MSN: variants seen among roughly 807,000 people sequenced by gnomAD.
The protein encoded by MSN is moesin.
A neutral mutation model predicts 48.0 loss-of-function variants in MSN; 2 were observed. That is an observed-to-expected ratio of 0.04 (90% confidence interval 0.02 to 0.13). The LOEUF is 0.13. Among genes scored for constraint, MSN ranks in the 10% least tolerant of loss-of-function variants. The pLI is 1.00. For missense variants in MSN, 267 were observed against 470.1 expected (o/e 0.57, Z 3.99); for synonymous variants, 146 against 166.9 (o/e 0.87, Z 0.97).
intron 10 of MSN, 88 bp from the exon 11 acceptor site, chrX:65,738,437 A>G (rs1246648374): frequency 4.0e-6 from 3 of 753,559 alleles, no homozygotes; most frequent in Non-Finnish European, 5.8e-6. Context: ...TAGGTCCCTT[A>G]CTAGTCCCCC....
At chrX:65,671,875 ATCT>A (rs1393827758) in intron 1 of MSN, among the ~76,000 whole-genome samples, 1 of 111,851 alleles carries the variant, frequency 8.9e-6, no homozygotes, top group Non-Finnish European at 1.9e-5. Flanking sequence ...TTGATCACTA[ATCT>A]TCTAACTTTC....
intron 1 of MSN, among the ~76,000 whole-genome samples, chrX:65,703,967 A>G: frequency 8.9e-6 from 1 of 112,105 alleles, no homozygotes; most frequent in Non-Finnish European, 1.9e-5. Flanking sequence ...CCCATGAGCA[A>G]TAGATGGAAC....
At chrX:65,676,917 TG>T (rs2071004390) in intron 1 of MSN, among the ~76,000 whole-genome samples, 1 of 110,444 alleles carries the variant, frequency 9.1e-6, no homozygotes, top group African/African-American at 3.3e-5. Context: ...CTCCATCTCC[TG>T]GGTTCAAGAG....
chrX:65,683,393 G>GCCGCCACCACCA (rs1170159142), intron 1 of MSN, among the ~76,000 whole-genome samples: 1 of 91,316 alleles, frequency 1.1e-5, no homozygotes, highest in African/African-American at 4.4e-5. Context: ...TGCCGCCGCC[G>GCCGCCACCACCA]CCACCACCAC....
At chrX:65,672,790 C>T (rs1163300222) in intron 1 of MSN, among the ~76,000 whole-genome samples, 1 of 111,534 alleles carries the variant, frequency 9.0e-6, no homozygotes, top group Non-Finnish European at 1.9e-5. Flanking sequence ...AGGAATCCCT[C>T]CAGTACTGAT....
At chrX:65,687,055 C>T (rs1464898998) in intron 1 of MSN, among the ~76,000 whole-genome samples, 2 of 111,904 alleles carry the variant, frequency 1.8e-5, no homozygotes, top group Non-Finnish European at 3.8e-5. Flanking sequence ...CATAATAAAA[C>T]TCTCTTCTCG....
At chrX:65,658,938 G>A (rs1321016919) in intron 1 of MSN, among the ~76,000 whole-genome samples, 3 of 105,838 alleles carry the variant, frequency 2.8e-5, no homozygotes, top group African/African-American at 1.0e-4. Context: ...TCCACCTCCC[G>A]GGCTCAAGCG....
At chrX:65,739,547 T>A (rs756922529) in intron 12 of MSN, among the ~76,000 whole-genome samples, 182 bp from the exon 13 acceptor site, 65 of 112,062 alleles carry the variant, frequency 5.8e-4, no homozygotes, top group African/African-American at 2.1e-3. Flanking sequence ...TTATTTATTT[T>A]TTTTTAATAT....
intron 1 of MSN, among the ~76,000 whole-genome samples, chrX:65,672,945 G>A (rs2070956986): frequency 9.0e-6 from 1 of 111,673 alleles, no homozygotes; most frequent in South Asian, 3.7e-4. Flanking sequence ...TTATTAAAAT[G>A]TATCCTCTTG....
intron 12 of MSN, among the ~76,000 whole-genome samples, 157 bp from the exon 13 acceptor site, chrX:65,739,572 A>G (rs1328580785): frequency 2.7e-5 from 3 of 111,424 alleles, no homozygotes; most frequent in African/African-American, 9.8e-5. Context: ...GCCCCACTGC[A>G]GTTCTAACAG....
At chrX:65,620,432 C>A (rs754402569) in intron 1 of MSN, among the ~76,000 whole-genome samples, 1 of 113,739 alleles carries the variant, frequency 8.8e-6, no homozygotes, top group Non-Finnish European at 1.9e-5. Context: ...CCAAGCCCGT[C>A]GGAAAAGCGC....
intron 1 of MSN, among the ~76,000 whole-genome samples, chrX:65,711,703 A>T (rs1372626791): frequency 8.9e-6 from 1 of 111,953 alleles, no homozygotes; most frequent in African/African-American, 3.2e-5. Context: ...TATTGTATCT[A>T]CTTTATTTCA....
intron 1 of MSN, among the ~76,000 whole-genome samples, chrX:65,691,469 A>G (rs1474281602): frequency 9.0e-6 from 1 of 111,347 alleles, no homozygotes; most frequent in African/African-American, 3.3e-5. Context: ...AGGTGTATAT[A>G]CTTTCACATG....
intron 1 of MSN, among the ~76,000 whole-genome samples, chrX:65,702,891 C>A (rs2071322770): frequency 1.8e-5 from 2 of 111,820 alleles, no homozygotes; most frequent in Non-Finnish European, 3.8e-5. Flanking sequence ...TCTGCCTTTC[C>A]ATAGGATTCT....
intron 1 of MSN, among the ~76,000 whole-genome samples, chrX:65,683,928 C>T (rs1398024691): frequency 9.5e-6 from 1 of 105,051 alleles, no homozygotes; most frequent in Admixed American, 1.0e-4. Context: ...TCTTTTTTTT[C>T]TTTCTTTCTT....
chrX:65,667,270 G>GC (rs1333814989), upstream of MSN, among the ~76,000 whole-genome samples: 18 of 111,796 alleles, frequency 1.6e-4, no homozygotes, highest in Non-Finnish European at 3.0e-4. Context: ...CTTTCTAAGA[G>GC]CCAGAGCTGT....
chrX:65,644,346 C>T (rs918209357), intron 1 of MSN, among the ~76,000 whole-genome samples: 1 of 111,078 alleles, frequency 9.0e-6, no homozygotes, highest in Admixed American at 9.7e-5. Context: ...AGTCCTATCC[C>T]ACCATCAAAC....
intron 1 of MSN, among the ~76,000 whole-genome samples, chrX:65,595,665 T>G (rs1411483489): frequency 8.9e-6 from 1 of 112,481 alleles, no homozygotes; most frequent in East Asian, 2.8e-4. Context: ...TCACTCTGGG[T>G]GTGGCCTCTC....
chrX:65,666,083 G>A (rs7063545), upstream of MSN, among the ~76,000 whole-genome samples: 18,426 of 110,509 alleles, frequency 0.17, 3,775 homozygotes, highest in African/African-American at 0.58. Flanking sequence ...CCCAATCTGG[G>A]CTCAGTGCAG....
Sources: gnomAD v4.1 joint callset for allele counts (sites outside exome capture counted in the v4.1 genomes callset) on GRCh38, gnomAD v4.1.1 for gene constraint, MANE v1.5 for transcripts, NCBI Gene and HGNC (gene_info 2026-07-23, HGNC 2026-07-21) for gene names.